GPC6: variants seen among roughly 807,000 people sequenced by gnomAD.
The protein encoded by GPC6 is glypican 6, also known as glypican-6.
A neutral mutation model predicts 55.2 loss-of-function variants in GPC6; 14 were observed. The observed-to-expected ratio is 0.25, with a 90% confidence interval of 0.17 to 0.40. The LOEUF is 0.40. Among genes scored for constraint, GPC6 ranks in the 10% least tolerant of loss-of-function variants. The probability of loss-of-function intolerance (pLI) is 1.00; values close to 1 mark genes in which losing one functional copy is unlikely to be tolerated. For synonymous variants in GPC6, 278 were observed against 259.6 expected (o/e 1.07, Z -0.68); for missense variants, 641 against 708.5 (o/e 0.90, Z 1.08).
At chr13:93,893,461 T>C (rs569788747) in intron 3 of GPC6, among the ~76,000 whole-genome samples, 1 of 152,294 alleles carries the variant, frequency 6.6e-6, no homozygotes, top group African/African-American at 2.4e-5. Context: ...AATCTATTAA[T>C]GCCTCTTTCA....
chr13:93,396,030 C>T (rs1201962571), intron 1 of GPC6, among the ~76,000 whole-genome samples: 2 of 152,228 alleles, frequency 1.3e-5, no homozygotes, highest in East Asian at 3.8e-4. Flanking sequence ...TTAGCCTTTA[C>T]ACCTACTTTA....
At chr13:94,174,260 A>AC (rs927251607) in intron 4 of GPC6, among the ~76,000 whole-genome samples, 19 of 152,130 alleles carry the variant, frequency 1.2e-4, no homozygotes, top group African/African-American at 4.6e-4. Flanking sequence ...AGTTCTTATA[A>AC]CCTAGTTAGG....
intron 5 of GPC6, among the ~76,000 whole-genome samples, chr13:94,303,005 C>T (rs1292237701): frequency 6.6e-6 from 1 of 152,242 alleles, no homozygotes; most frequent in Admixed American, 6.5e-5. Flanking sequence ...AGGGGCACCT[C>T]GCTGGATCAG....
intron 3 of GPC6, among the ~76,000 whole-genome samples, chr13:93,938,607 A>C (rs1333233125): frequency 6.6e-6 from 1 of 152,242 alleles, no homozygotes; most frequent in African/African-American, 2.4e-5. Context: ...TTAGAAAGAC[A>C]ACAGAAAATT....
chr13:94,342,958 G>A (rs1886047), intron 6 of GPC6, among the ~76,000 whole-genome samples: 7,069 of 152,218 alleles, frequency 0.046, 530 homozygotes, highest in African/African-American at 0.16. Context: ...GATGGCCAAT[G>A]TCACCCTGAA....
At chr13:94,312,857 A>G (rs1183819479) in intron 6 of GPC6, among the ~76,000 whole-genome samples, 1 of 152,254 alleles carries the variant, frequency 6.6e-6, no homozygotes, top group Non-Finnish European at 1.5e-5. Flanking sequence ...GGTCAAGGCC[A>G]GATTGGCTTT....
chr13:93,962,365 G>A (rs558201036), intron 3 of GPC6, among the ~76,000 whole-genome samples: 2 of 152,228 alleles, frequency 1.3e-5, no homozygotes, highest in South Asian at 2.1e-4. Flanking sequence ...AAAGAGAGAT[G>A]TTGTGAAAGT....
chr13:93,687,898 T>G lies in GPC6; in HGVS notation c.320-142256T>G, dbSNP rs3904304. On this transcript the variant is annotated intron_variant, in intron 2 of 8. Transcript: ENST00000377047. ...CTTAGGATTTTTGTGTGTTTGGCTT[T>G]TTTTTTTATGAGAAAAAGTTTATTT... Among the ~76,000 whole-genome samples the G allele has an allele frequency of 8.0e-3, 1,217 of 151,788 alleles. 24 individuals are homozygous for G. Among genetic ancestry groups the G allele is most frequent in the African/African-American group, 0.028 (1,163 of 41,410 alleles).
At chr13:93,735,731 C>T (rs1566509885) in intron 2 of GPC6, among the ~76,000 whole-genome samples, 1 of 152,166 alleles carries the variant, frequency 6.6e-6, no homozygotes, top group Non-Finnish European at 1.5e-5. Context: ...TGTAACAAGG[C>T]TGCCTGACGC....
intron 1 of GPC6, among the ~76,000 whole-genome samples, chr13:93,542,672 C>T (rs1298702732): frequency 2.0e-5 from 3 of 152,094 alleles, no homozygotes; most frequent in Non-Finnish European, 4.4e-5. Context: ...AATGTTCTTC[C>T]ATTTGTTTGT....
Position 93,640,012 on chromosome 13 carries a change from A to G in GPC6, c.319+94591A>G, listed in dbSNP as rs1879846926. Among the ~76,000 whole-genome samples, 3 of 152,132 alleles carry G rather than the reference A, an allele frequency of 2.0e-5. No individual in the cohort carries two copies. In the South Asian group the frequency reaches 6.2e-4, roughly 31 times the overall value. ...TCATTTATACTCATCACTACTTCCC[A>G]ATAATTACTACCAATTATATCTGCT... is the stretch of plus-strand genomic sequence containing the variant. On this transcript the variant is annotated intron_variant, in intron 2 of 8. Transcript: ENST00000377047.
intron 2 of GPC6, among the ~76,000 whole-genome samples, chr13:93,647,942 A>G (rs1005083203): frequency 6.6e-6 from 1 of 152,126 alleles, no homozygotes; most frequent in South Asian, 2.1e-4. Flanking sequence ...GGGGTATGAA[A>G]GCAAATATCT....
chr13:93,511,347 GAGTTGATTTTTGTAC>G (rs1183298509), intron 1 of GPC6, among the ~76,000 whole-genome samples: 1 of 151,390 alleles, frequency 6.6e-6, no homozygotes, highest in East Asian at 1.9e-4. Context: ...TCTTTATTTT[GAGTTGATTTTTGTAC>G]AGTGAGAAAT....
intron 2 of GPC6, among the ~76,000 whole-genome samples, chr13:93,622,786 T>C (rs1406425776): frequency 1.3e-5 from 2 of 152,172 alleles, no homozygotes; most frequent in African/African-American, 4.8e-5. Context: ...CTTCTAGTTA[T>C]TTTGAAATAT....
intron 1 of GPC6, among the ~76,000 whole-genome samples, chr13:93,416,694 A>G (rs990293332): frequency 1.3e-5 from 2 of 151,984 alleles, no homozygotes; most frequent in Non-Finnish European, 2.9e-5. Flanking sequence ...CTCCCACATC[A>G]ACCCTCCACT....
intron 3 of GPC6, among the ~76,000 whole-genome samples, chr13:93,892,361 C>T (rs894468397): frequency 2.2e-4 from 33 of 152,124 alleles, no homozygotes. Flanking sequence ...CTGCTATGTT[C>T]TTACATACCC....
chr13:94,272,693 T>C (rs11620175), intron 4 of GPC6, among the ~76,000 whole-genome samples: 2,799 of 151,936 alleles, frequency 0.018, 39 homozygotes, highest in African/African-American at 0.031. Context: ...TGGTCTCAAT[T>C]TCCTGACCTC....
intron 1 of GPC6, among the ~76,000 whole-genome samples, chr13:93,431,839 T>G (rs564510999): frequency 1.3e-5 from 2 of 152,206 alleles, no homozygotes; most frequent in Non-Finnish European, 2.9e-5. Flanking sequence ...AAATAGTATG[T>G]GATGAAAACA....
chr13:93,806,226 C>T lies in GPC6; in HGVS notation c.320-23928C>T, dbSNP rs534255789. On this transcript the variant is annotated intron_variant, in intron 2 of 8. Transcript: ENST00000377047. ...ACACCTTGGTTGTCATTAGTCTACT[C>T]AATTTGGAGAGTATGTTCATGGGCC... Among the ~76,000 whole-genome samples, 43 of 152,256 alleles carry T rather than the reference C, an allele frequency of 2.8e-4. No individual in the cohort carries two copies. In the South Asian group the frequency reaches 7.7e-3, roughly 27 times the overall value.
Sources: gnomAD v4.1 joint callset for allele counts (sites outside exome capture counted in the v4.1 genomes callset) on GRCh38, gnomAD v4.1.1 for gene constraint, MANE v1.5 for transcripts, NCBI Gene and HGNC (gene_info 2026-07-23, HGNC 2026-07-21) for gene names.